MCAM: variants seen among roughly 807,000 people sequenced by gnomAD.
MCAM encodes the protein melanoma cell adhesion molecule, also known as cell surface glycoprotein MUC18.
Under a neutral mutation model 79.1 loss-of-function variants are expected in MCAM, and 55 were observed. The ratio of observed to expected loss-of-function variants is 0.70; its 90% CI spans 0.56 to 0.87. MCAM has a LOEUF of 0.87. MCAM is among the 40% of genes least tolerant of loss of function. The pLI is 0.00. For missense variants in MCAM, 745 were observed against 839.8 expected (o/e 0.89, Z 1.40); for synonymous variants, 330 against 339.8 (o/e 0.97, Z 0.32).
Position 119,311,050 on chromosome 11 carries a change from G to C in MCAM, c.1645+40C>G. ...TGGGGAGGGACAGGGCAGAAAGGAT[G>C]CCCTGGCACAGCCCTGTTCTCTTGC... On this transcript the variant is annotated intron_variant, in intron 13 of 15. Coordinates refer to ENST00000264036, the MANE Select transcript of MCAM (RefSeq NM_006500.3). This position sits in a 1 kb window ranked among gnomAD's most constrained non-coding sequence, Gnocchi z 4.4. 3.7e-6 allele frequency: 6 copies of C among 1,614,182 alleles called. No homozygotes were observed. The highest frequency in any genetic ancestry group is 5.1e-6 in the Non-Finnish European group (6 of 1,180,006).
chr11:119,311,887 T>A lies in MCAM; in HGVS notation c.1206A>T (p.Gly402=), dbSNP rs141844141. The part of the protein sequence containing the change: ...LQLHDLKREA[G]GGYRCVASVP... ...CAGACGCCACGCAGCGATAGCCGCC[T>A]CCTGCCTCCCGTTTCAGGTCATGCA... Residue 402 remains glycine, a synonymous_variant, in exon 10 of 16, where the codon GGA becomes GGT. Coordinates refer to ENST00000264036, the MANE Select transcript of MCAM (RefSeq NM_006500.3). The surrounding 1 kb of genome is among the most constrained non-coding windows in gnomAD (Gnocchi z 4.4). The A allele has an allele frequency of 6.2e-7, 1 of 1,614,080 alleles. No individual in the cohort carries two copies. The highest frequency in any genetic ancestry group is 1.3e-5 in the African/African-American group (1 of 75,026).
Position 119,310,858 on chromosome 11 carries a change from G to A in MCAM, c.1691C>T (p.Ala564Val). Reference protein sequence around the residue: ...EPESRGVVIVAVIVCILVLAV... With the variant: ...EPESRGVVIVVVIVCILVLAV... ...CAGGACCAGGATGCACACAATCACA[G>A]CCACGATGACCACGCCCCGGCTCTC... Residue 564 changes from alanine (A) to valine (V), a missense_variant, in exon 14 of 16, where the codon GCT (alanine) becomes GTT (valine). Transcript: ENST00000264036. The A allele has an allele frequency of 6.2e-7, 1 of 1,614,192 alleles. No homozygotes were observed.
In MCAM at chr11:119,310,344, C is replaced by G. The variant is rs753705391; in HGVS notation, c.1911+5G>C. The G allele has an allele frequency of 1.2e-6, 2 of 1,600,656 alleles. No individual in the cohort carries two copies. The highest frequency in any genetic ancestry group is 1.7e-6 in the Non-Finnish European group (2 of 1,168,150). On this transcript the variant is annotated splice_donor_5th_base_variant and intron_variant, in intron 15 of 15. Transcript: ENST00000264036. The stretch of plus-strand genomic sequence containing the variant: ...CAGGCTCTGGCCACAGGAACCGCCT[C>G]CTACCTGGTCTCCCGGAGCCCTCTT...
rs760504887 is a variant in MCAM at position 119,311,011 on chromosome 11, T to TGGACAGGGCTCTCTGGGGAG, written c.1645+59_1645+78dup. The TGGACAGGGCTCTCTGGGGAG allele has an allele frequency of 6.2e-7, 1 of 1,613,976 alleles. No individual in the cohort carries two copies. Among genetic ancestry groups the TGGACAGGGCTCTCTGGGGAG allele is most frequent in the Admixed American group, 1.7e-5 (1 of 60,024 alleles). ...AAGATGGGGCTGCTACTCACCTTTC[T>TGGACAGGGCTCTCTGGGGAG]GGACAGGGCTCTCTGGGGAGGGACA... On this transcript the variant is annotated intron_variant, in intron 13 of 15. Transcript: ENST00000264036. The surrounding 1 kb of genome is among the most constrained non-coding windows in gnomAD (Gnocchi z 4.4).
rs539618242 is a variant in MCAM, at chr11:119,313,076, C to T, written c.560-127G>A. 2.6e-6 allele frequency: 4 copies of T among 1,550,156 alleles called. No individual in the cohort carries two copies. In the East Asian group the frequency reaches 7.2e-5, roughly 28 times the overall value. ...CCTGTCCCCTGTAGAAGGCCAGGTA[C>T]AAATGCAAGCTGGAAACCCTTCAAC... On this transcript the variant is annotated intron_variant, in intron 5 of 15. Transcript: ENST00000264036.
chr11:119,316,320 G>C lies in MCAM; in HGVS notation c.67+715C>G, dbSNP rs149745950. Among the ~76,000 whole-genome samples, 117 of 152,334 alleles carry C rather than the reference G, an allele frequency of 7.7e-4. 1 individual carries two copies. The East Asian group carries it at 0.019, about 25-fold the overall frequency. ...GGCCATACAAGGGCAGCGTGGACCC[G>C]AGAGCGCCCTGCTACCAGGCGGATC... On this transcript the variant is annotated intron_variant, in intron 1 of 15. Transcript: ENST00000264036. The surrounding 1 kb of genome is among the most constrained non-coding windows in gnomAD (Gnocchi z 4.8).
chr11:119,309,817 G>T lies in MCAM; in HGVS notation c.*69C>A. 6.8e-7 allele frequency: 1 copy of T among 1,470,552 alleles called. No individual in the cohort carries two copies. Among genetic ancestry groups the T allele is most frequent in the South Asian group, 1.2e-5 (1 of 83,228 alleles). The allele number at this position is 1,470,552 out of a possible 1,614,324, so 91.1% of individuals were successfully genotyped here. A position where few individuals can be genotyped will look rare whatever the true frequency, so the allele number is the denominator to read the frequency against. On this transcript the variant is annotated 3_prime_UTR_variant, in exon 16 of 16. Coordinates refer to ENST00000264036, the MANE Select transcript of MCAM (RefSeq NM_006500.3). ...TCTCTCTAGTCCCTTTGGAGGCTTT[G>T]GCTGAGAGAAGAGTGAGCAGGGAGC...
intron 4 of MCAM, 23 bp from the exon 5 acceptor site, chr11:119,314,599 C>T: frequency 6.2e-7 from 1 of 1,612,428 alleles, no homozygotes; most frequent in South Asian, 1.1e-5. Flanking sequence ...GGGTGTGAGT[C>T]TCCCTGCCTC....
chr11:119,315,070 G>C lies in MCAM; in HGVS notation c.193-30C>G. 1 of 1,609,914 alleles carries C rather than the reference G, an allele frequency of 6.2e-7. No individual in the cohort carries two copies. The highest frequency in any genetic ancestry group is 8.5e-7 in the Non-Finnish European group (1 of 1,179,498). ...TGGGAGGAGACACAGAGGAGGAGAAGGGTCCTGGGCTACAAGAGGGGCAGA... is the reference window on the plus strand; with the variant it reads ...TGGGAGGAGACACAGAGGAGGAGAACGGTCCTGGGCTACAAGAGGGGCAGA... On this transcript the variant is annotated intron_variant, in intron 2 of 15. Coordinates refer to ENST00000264036, the MANE Select transcript of MCAM (RefSeq NM_006500.3). The surrounding 1 kb of genome is among the most constrained non-coding windows in gnomAD (Gnocchi z 4.4).
rs191302594 is a variant in MCAM, at chr11:119,309,705, C to T, written c.*181G>A. On this transcript the variant is annotated 3_prime_UTR_variant, in exon 16 of 16. Coordinates refer to ENST00000264036, the MANE Select transcript of MCAM (RefSeq NM_006500.3). The stretch of plus-strand genomic sequence containing the variant: ...TGGTGGTGGACTGGTCCCTGAAAAG[C>T]GGGCCTTGCAGGGCCAAGTGAGGTC... 7.5e-4 allele frequency: 470 copies of T among 624,114 alleles called. 2 individuals carry two copies. The highest frequency in any genetic ancestry group is 7.0e-3 in the African/African-American group (380 of 54,192). 38.7% of individuals were successfully genotyped at this position (624,114 alleles called of 1,614,324 possible). A position where few individuals can be genotyped will look rare whatever the true frequency, so the allele number is the denominator to read the frequency against.
rs1950310366 is a variant in MCAM at position 119,316,295 on chromosome 11, G to A, written c.67+740C>T. 1 of 152,264 alleles carries A rather than the reference G, an allele frequency of 6.6e-6. No homozygotes were observed. Among genetic ancestry groups the A allele is most frequent in the African/African-American group, 2.4e-5 (1 of 41,466 alleles). 9.4% of individuals were successfully genotyped at this position (152,264 alleles called of 1,614,324 possible). A position where few individuals can be genotyped will look rare whatever the true frequency, so the allele number is the denominator to read the frequency against. On this transcript the variant is annotated intron_variant, in intron 1 of 15. Transcript: ENST00000264036. This position sits in a 1 kb window ranked among gnomAD's most constrained non-coding sequence, Gnocchi z 4.8. Reference sequence around the variant, plus strand: ...AAGAGAAACACGCGACACCGCTGCGGGCCATACAAGGGCAGCGTGGACCCG... The same window carrying A: ...AAGAGAAACACGCGACACCGCTGCGAGCCATACAAGGGCAGCGTGGACCCG...
At position 119,310,731 on chromosome 11, in the gene MCAM, G is replaced by T. The variant is rs145545146; in HGVS notation, c.1793+25C>A. 610 of 1,608,008 alleles carry T rather than the reference G, an allele frequency of 3.8e-4. 4 individuals carry two copies. The African/African-American group carries it at 6.9e-3, about 18-fold the overall frequency. ...AGGCTGGGTGGCAAAACGGGCGGGG[G>T]CGGAGGGGCCGGTGTTGGGCTTACA... is the stretch of plus-strand genomic sequence containing the variant. On this transcript the variant is annotated intron_variant, in intron 14 of 15. Coordinates refer to ENST00000264036, the MANE Select transcript of MCAM (RefSeq NM_006500.3).
rs1950279168 is a variant in MCAM, at chr11:119,314,484, C to G, written c.559+5G>C. 1.2e-6 allele frequency: 2 copies of G among 1,613,348 alleles called. No individual in the cohort carries two copies. The highest frequency in any genetic ancestry group is 1.7e-5 in the Admixed American group (1 of 59,988). On this transcript the variant is annotated splice_donor_5th_base_variant and intron_variant, in intron 5 of 15. Transcript: ENST00000264036. ...GGGTGGCTTTTGGGAGAAAGGGCTA[C>G]TCACGGTTCTTCTCCTCCTTCAGAG...
chr11:119,312,182 G>A lies in MCAM; in HGVS notation c.1025-12C>T. The A allele has an allele frequency of 6.2e-7, 1 of 1,611,370 alleles. No homozygotes were observed. The highest frequency in any genetic ancestry group is 1.3e-5 in the African/African-American group (1 of 74,990). ...GACGTCAGACACATCTGGGGGTACA[G>A]CAATCATGTCACCCAGGGCAGGGTG... is the stretch of plus-strand genomic sequence containing the variant. On this transcript the variant is annotated splice_polypyrimidine_tract_variant and intron_variant, in intron 8 of 15. Coordinates refer to ENST00000264036, the MANE Select transcript of MCAM (RefSeq NM_006500.3). The surrounding 1 kb of genome is among the most constrained non-coding windows in gnomAD (Gnocchi z 4.9).
Position 119,311,816 on chromosome 11 carries a change from G to T in MCAM, c.1277C>A (p.Ala426Asp). The change falls in exon 10 of 16, where the codon GCC becomes GAC. Residue 426 changes from alanine to aspartate, a missense_variant. Physicochemically the swap from Ala to Asp is moderately radical, Grantham distance 126. Transcript: ENST00000264036. The surrounding 1 kb of genome is among the most constrained non-coding windows in gnomAD (Gnocchi z 4.4). ...GLNRTQLVNV[A>D]IFGPPWMAFK... ...CAGAGGGAGGGCCTCACCAAAAATG[G>T]CCACGTTGACCAGCTGTGTGCGGTT... 6.2e-7 allele frequency: 1 copy of T among 1,614,030 alleles called. No homozygotes were observed. The highest frequency in any genetic ancestry group is 8.5e-7 in the Non-Finnish European group (1 of 1,179,994).
chr11:119,313,775 G>C, intron 5 of MCAM: 1 of 181,820 alleles, frequency 5.5e-6, no homozygotes, highest in Non-Finnish European at 1.1e-5. Flanking sequence ...AACATCCTTG[G>C]TCTCTCTACC....
rs933435015 is a variant in MCAM at position 119,316,876 on chromosome 11, G to C, written c.67+159C>G. 3 of 584,424 alleles carry C rather than the reference G, an allele frequency of 5.1e-6. No homozygotes were observed. The highest frequency in any genetic ancestry group is 8.7e-6 in the Non-Finnish European group (3 of 344,236). 36.2% of individuals were successfully genotyped at this position (584,424 alleles called of 1,614,324 possible). A position where few individuals can be genotyped will look rare whatever the true frequency, so the allele number is the denominator to read the frequency against. ...GGCTGCAAACTGGCTGCAAAGAAGA[G>C]TTGCTCGCGCGCAAGGCGCCCGGGG... On this transcript the variant is annotated intron_variant, in intron 1 of 15. Coordinates refer to ENST00000264036, the MANE Select transcript of MCAM (RefSeq NM_006500.3). This position sits in a 1 kb window ranked among gnomAD's most constrained non-coding sequence, Gnocchi z 4.8.
chr11:119,311,201 AG>A lies in MCAM; in HGVS notation c.1550-17del. The A allele has an allele frequency of 1.2e-6, 2 of 1,613,572 alleles. No homozygotes were observed. Among genetic ancestry groups the A allele is most frequent in the Non-Finnish European group, 8.5e-7 (1 of 1,179,596 alleles). On this transcript the variant is annotated splice_polypyrimidine_tract_variant and intron_variant, in intron 12 of 15. Transcript: ENST00000264036. The surrounding 1 kb of genome is among the most constrained non-coding windows in gnomAD (Gnocchi z 4.4). ...GTTAAATTGACTAGGAGGCAGAGGG[AG>A]GGGTGTTAGGAGAAGCGCAAGTTAC... is the stretch of plus-strand genomic sequence containing the variant.
At position 119,314,908 on chromosome 11, in the gene MCAM, G is replaced by T. The variant is rs570398778; in HGVS notation, c.325C>A (p.Gln109Lys). ...TGGCACAAGAAGATGCGCTCGTCTT[G>T]GGGGGTGACTTGAGTCAGGGCCAGA... Reference protein sequence around the residue: ...ATLALTQVTPQDERIFLCQGK... With the variant: ...ATLALTQVTPKDERIFLCQGK... Residue 109 changes from glutamine (Q) to lysine (K), a missense_variant, in exon 3 of 16, where the codon CAA becomes AAA. Gln to Lys is a moderately conservative substitution (Grantham distance 53, BLOSUM62 1). Coordinates refer to ENST00000264036, the MANE Select transcript of MCAM (RefSeq NM_006500.3). 46 of 1,613,226 alleles carry T rather than the reference G, an allele frequency of 2.9e-5. 1 individual carries two copies. In the South Asian group the frequency reaches 4.6e-4, roughly 16 times the overall value.
Sources: allele counts gnomAD v4.1 joint callset (sites outside exome capture counted in the v4.1 genomes callset), GRCh38; gene constraint gnomAD v4.1.1; non-coding constraint Gnocchi (gnomAD v3.1); transcripts MANE v1.5; gene names NCBI Gene and HGNC (gene_info 2026-07-23, HGNC 2026-07-21).